RYR2: variants seen among roughly 807,000 people sequenced by gnomAD.
The protein encoded by RYR2 is cardiac muscle ryanodine receptor-calcium release channel.
In RYR2, 227 loss-of-function variants were observed where a neutral mutation model predicts 601.1. The observed-to-expected ratio is 0.38, with a 90% confidence interval of 0.34 to 0.42. RYR2 has a LOEUF of 0.42. Among genes scored for constraint, RYR2 ranks in the 10% least tolerant of loss-of-function variants. The pLI, the probability that RYR2 is intolerant of heterozygous loss-of-function variation, is 1.00. For synonymous variants in RYR2, 2,223 were observed against 2,175.1 expected, an observed-to-expected ratio of 1.02 and a Z score of -0.61; for missense variants, 4,646 against 6,156.5, an observed-to-expected ratio of 0.75 and a Z score of 8.21.
chr1:237,700,311 A>C lies in RYR2; in HGVS notation c.9211A>C (p.Thr3071Pro), dbSNP rs1208471339. 6.3e-7 allele frequency: 1 copy of C among 1,594,582 alleles called. No individual in the cohort carries two copies. The highest frequency in any genetic ancestry group is 8.5e-7 in the Non-Finnish European group (1 of 1,169,844). Residue 3071 changes from threonine (T) to proline (P), a missense_variant, in exon 65 of 105, where the codon ACC (threonine) becomes CCC (proline). Around this residue, in one of 17 missense-constraint regions of RYR2, gnomAD observed 1,497 missense variants for 1,842.6 expected, o/e 0.81. Coordinates refer to ENST00000366574, the MANE Select transcript of RYR2 (RefSeq NM_001035.3). ...LDNAAEDLEK[T>P]MENLKQGQFT... ...CAACGCTGCAGAGGATCTGGAGAAG[A>C]CCATGGAAAACCTCAAGCAGGGCCA... is the stretch of plus-strand genomic sequence containing the variant.
intron 80 of RYR2, among the ~76,000 whole-genome samples, chr1:237,746,855 AAAT>A (rs1302469112): frequency 1.3e-5 from 2 of 152,100 alleles, no homozygotes; most frequent in Non-Finnish European, 2.9e-5. Context: ...TTGCTAAGGG[AAAT>A]AATAATAAAT....
intron 17 of RYR2, 124 bp downstream of exon 17, chr1:237,469,311 G>C (rs1278150169): frequency 6.0e-5 from 35 of 580,792 alleles, no homozygotes; most frequent in Non-Finnish European, 9.6e-5. Flanking sequence ...GGTGTGTACT[G>C]AGTCCCAGAT....
intron 1 of RYR2, among the ~76,000 whole-genome samples, chr1:237,071,743 C>G (rs1192891351): frequency 6.6e-6 from 1 of 152,188 alleles, no homozygotes; most frequent in African/African-American, 2.4e-5. Context: ...TGTTTGCCCC[C>G]TGTGGCAATC....
chr1:237,788,564 C>A (rs1357454487), intron 92 of RYR2, among the ~76,000 whole-genome samples: 1 of 152,106 alleles, frequency 6.6e-6, no homozygotes. Flanking sequence ...ACTTAAAAAT[C>A]CAGGTATAAA....
At chr1:237,687,366 C>CTTTTTTTTTTTTTTTTTTTTTTTTTTT (rs10679267) in intron 62 of RYR2, 89 bp from the exon 63 acceptor site, 8 of 259,142 alleles carry the variant, frequency 3.1e-5, no homozygotes, top group South Asian at 4.1e-5. Context: ...TTTTCTTCTT[C>CTTTTTTTTTTTTTTTTTTTTTTTTTTT]TTTTTTTTTT....
At chr1:237,661,470 A>G (rs1254036348) in intron 56 of RYR2, among the ~76,000 whole-genome samples, 2 of 152,176 alleles carry the variant, frequency 1.3e-5, no homozygotes, top group Admixed American at 6.5e-5. Flanking sequence ...CGTTCTGCAC[A>G]TGTACCCCAG....
chr1:237,528,185 AG>A (rs1558972894), intron 24 of RYR2, among the ~76,000 whole-genome samples: 1 of 152,234 alleles, frequency 6.6e-6, no homozygotes. Flanking sequence ...CAACTTAATA[AG>A]GGAAGAAAAA....
intron 28 of RYR2, among the ~76,000 whole-genome samples, chr1:237,568,835 A>G (rs182346618): frequency 2.6e-5 from 4 of 152,316 alleles, no homozygotes; most frequent in African/African-American, 7.2e-5. Context: ...CTAAAGGCAT[A>G]TAAGTTTTCT....
intron 25 of RYR2, among the ~76,000 whole-genome samples, chr1:237,546,936 T>G (rs1276634761): frequency 6.8e-6 from 1 of 147,380 alleles, no homozygotes; most frequent in African/African-American, 2.5e-5. Context: ...CCCAGATTAG[T>G]AGTCTATTTT....
At chr1:237,812,869 C>T (rs571411509) in intron 100 of RYR2, among the ~76,000 whole-genome samples, 6 of 147,968 alleles carry the variant, frequency 4.1e-5, no homozygotes, top group Non-Finnish European at 8.9e-5. Flanking sequence ...TTTTCTCGCA[C>T]CACAAAGCAG....
At chr1:237,050,155 C>T (rs1237690906) in intron 1 of RYR2, among the ~76,000 whole-genome samples, 2 of 152,158 alleles carry the variant, frequency 1.3e-5, no homozygotes, top group Non-Finnish European at 2.9e-5. Context: ...GCCACTGACA[C>T]GTGAACCCAG....
intron 2 of RYR2, among the ~76,000 whole-genome samples, chr1:237,276,861 TTAAC>T (rs1690340348): frequency 6.6e-6 from 1 of 152,234 alleles, no homozygotes; most frequent in Non-Finnish European, 1.5e-5. Context: ...TACTCCCTAC[TTAAC>T]TATGTTCCTT....
chr1:237,206,184 C>A (rs1029400307), intron 1 of RYR2, among the ~76,000 whole-genome samples: 1 of 152,134 alleles, frequency 6.6e-6, no homozygotes, highest in Non-Finnish European at 1.5e-5. Flanking sequence ...CTGGAAGTAC[C>A]AGGGGGACCG....
chr1:237,485,914 A>G (rs1251455974), intron 17 of RYR2, among the ~76,000 whole-genome samples: 3 of 152,122 alleles, frequency 2.0e-5, no homozygotes, highest in Non-Finnish European at 4.4e-5. Context: ...ACATTGATTA[A>G]ATGTGTGTTT....
In RYR2 at chr1:237,819,567, C is replaced by T. The variant is rs1662208538; in HGVS notation, c.14590+375C>T. 6.6e-6 allele frequency among the ~76,000 whole-genome samples: 1 copy of T among 152,126 alleles called. No individual in the cohort carries two copies. The highest frequency in any genetic ancestry group is 2.4e-5 in the African/African-American group (1 of 41,424). ...GGTGCGGTGGCTCATGCCTGTAATC[C>T]AAGCACTTTGGGAGGCTGAAGGGGG... On this transcript the variant is annotated intron_variant, in intron 101 of 104. Transcript: ENST00000366574. The surrounding 1 kb of genome is among the most constrained non-coding windows in gnomAD (Gnocchi z 4.0).
chr1:237,310,404 C>T (rs779832673), intron 2 of RYR2, among the ~76,000 whole-genome samples: 1 of 152,172 alleles, frequency 6.6e-6, no homozygotes, highest in Non-Finnish European at 1.5e-5. Context: ...CCTTTTGTAC[C>T]TAAGCAGATA....
chr1:237,614,430 T>C lies in RYR2; in HGVS notation c.5302T>C (p.Phe1768Leu), dbSNP rs755177781. 1.2e-6 allele frequency: 2 copies of C among 1,614,000 alleles called. No individual in the cohort carries two copies. The highest frequency in any genetic ancestry group is 3.3e-5 in the Admixed American group (2 of 60,022). The change falls in exon 37 of 105, where the codon TTT becomes CTT. Residue 1768 changes from phenylalanine to leucine, a missense_variant. Physicochemically the swap from Phe to Leu is conservative, Grantham distance 22. Coordinates refer to ENST00000366574, the MANE Select transcript of RYR2 (RefSeq NM_001035.3). The surrounding 1 kb of genome is among the most constrained non-coding windows in gnomAD (Gnocchi z 4.3). Reference sequence around the variant, plus strand: ...ACGGATGCAGTTTTCCTCCCCCAGTTTTGTAAGCATTAGTAATGAATGTTA... The same window carrying C: ...ACGGATGCAGTTTTCCTCCCCCAGTCTTGTAAGCATTAGTAATGAATGTTA... ...RPRMQFSSPS[F>L]VSISNECYQY...
intron 24 of RYR2, among the ~76,000 whole-genome samples, chr1:237,529,241 G>A (rs1227423107): frequency 6.6e-6 from 1 of 152,028 alleles, no homozygotes; most frequent in East Asian, 1.9e-4. Flanking sequence ...CCCTTTCAAC[G>A]TGCACATTCT....
intron 2 of RYR2, among the ~76,000 whole-genome samples, chr1:237,301,051 T>C (rs1417494534): frequency 6.6e-6 from 1 of 152,154 alleles, no homozygotes; most frequent in Non-Finnish European, 1.5e-5. Context: ...TAAGTAGTTA[T>C]AGAAATTATG....
Sources: allele counts gnomAD v4.1 joint callset (sites outside exome capture counted in the v4.1 genomes callset), GRCh38; gene constraint gnomAD v4.1.1; regional missense constraint gnomAD v4.1.1; non-coding constraint Gnocchi (gnomAD v3.1); transcripts MANE v1.5; gene names NCBI Gene and HGNC (gene_info 2026-07-23, HGNC 2026-07-21).